Variants in TIAM1 observed in about 807,000 individuals in gnomAD.
TIAM1 encodes the protein rho guanine nucleotide exchange factor TIAM1.
A neutral mutation model predicts 163.5 loss-of-function variants in TIAM1; 65 were observed. That is an observed-to-expected ratio of 0.40 (90% confidence interval 0.33 to 0.49). The LOEUF is 0.49. Among genes scored for constraint, TIAM1 ranks in the 20% least tolerant of loss-of-function variants. The probability of loss-of-function intolerance (pLI) is 0.77; values close to 1 mark genes in which losing one functional copy is unlikely to be tolerated. For synonymous variants in TIAM1, 833 were observed against 810.1 expected, an observed-to-expected ratio of 1.03 and a Z score of -0.48; for missense variants, 1,789 against 2,044.7, an observed-to-expected ratio of 0.87 and a Z score of 2.41.
intron 3 of TIAM1, among the ~76,000 whole-genome samples, chr21:31,270,082 A>G (rs534022126): frequency 5.9e-5 from 9 of 152,290 alleles, no homozygotes; most frequent in African/African-American, 1.9e-4. Context: ...TTTTATCTTC[A>G]ACAAACAAAA....
rs183731788 is a variant in TIAM1, at chr21:31,244,239, C to G, written c.1584+1249G>C. On this transcript the variant is annotated intron_variant, in intron 6 of 27. Coordinates refer to ENST00000541036, the MANE Select transcript of TIAM1 (RefSeq NM_001353694.2). ...TAGAAACAGCTTCTGAAGCCAAAGC[C>G]AGAAACTTGGTGAAATAAATGATTT... 7.1e-3 allele frequency among the ~76,000 whole-genome samples: 1,077 copies of G among 152,276 alleles called. 12 individuals are homozygous for G. Among genetic ancestry groups the G allele is most frequent in the African/African-American group, 0.024 (1,017 of 41,554 alleles).
At chr21:31,459,114 T>TACTGATTG (rs1555988556) in intron 2 of TIAM1, among the ~76,000 whole-genome samples, 3 of 151,168 alleles carry the variant, frequency 2.0e-5, no homozygotes, top group Non-Finnish European at 4.4e-5. Context: ...ACTTGATTGC[T>TACTGATTG]ATTGATTGAT....
intron 2 of TIAM1, among the ~76,000 whole-genome samples, chr21:31,364,646 T>C (rs531455309): frequency 8.5e-5 from 13 of 152,126 alleles, no homozygotes; most frequent in Non-Finnish European, 1.8e-4. Context: ...GCTGACACCA[T>C]GATGGCCAGG....
intron 3 of TIAM1, among the ~76,000 whole-genome samples, chr21:31,274,291 G>A (rs950067631): frequency 7.2e-5 from 11 of 151,980 alleles, no homozygotes; most frequent in Admixed American, 7.2e-4. Flanking sequence ...CCAAGATACA[G>A]CACGTACCTT....
At chr21:31,478,221 ACT>A (rs1373692292) in intron 1 of TIAM1, among the ~76,000 whole-genome samples, 1 of 152,190 alleles carries the variant, frequency 6.6e-6, no homozygotes, top group Non-Finnish European at 1.5e-5. Flanking sequence ...ACACATGTAA[ACT>A]TTTTATTGGG....
intron 2 of TIAM1, among the ~76,000 whole-genome samples, chr21:31,398,158 C>G (rs1381200074): frequency 5.7e-5 from 3 of 52,518 alleles, no homozygotes; most frequent in Admixed American, 2.5e-4. Flanking sequence ...ATCTTCAGGG[C>G]AAAAAAAAAA....
chr21:31,553,866 A>T (rs1601086022), intron 1 of TIAM1, among the ~76,000 whole-genome samples: 1 of 151,986 alleles, frequency 6.6e-6, no homozygotes, highest in South Asian at 2.1e-4. Flanking sequence ...TGGTCCTGAC[A>T]TCTCCCCTTC....
At chr21:31,202,278 G>A (rs112405653) in intron 12 of TIAM1, among the ~76,000 whole-genome samples, 23 of 152,100 alleles carry the variant, frequency 1.5e-4, no homozygotes, top group Middle Eastern at 3.4e-3. Flanking sequence ...CTGGCCGTGC[G>A]CAGTGGCTCA....
chr21:31,151,788 A>C (rs1446946457), intron 19 of TIAM1, among the ~76,000 whole-genome samples: 1 of 152,156 alleles, frequency 6.6e-6, no homozygotes, highest in Non-Finnish European at 1.5e-5. Flanking sequence ...CACATGAAGC[A>C]ATGTGCTTTG....
intron 2 of TIAM1, among the ~76,000 whole-genome samples, chr21:31,337,841 A>G (rs1042264236): frequency 4.6e-5 from 7 of 151,908 alleles, no homozygotes; most frequent in African/African-American, 1.5e-4. Flanking sequence ...ATTATTATTT[A>G]TATGATTATT....
chr21:31,185,624 TTA>T (rs1432886919), intron 14 of TIAM1, among the ~76,000 whole-genome samples: 1 of 144,902 alleles, frequency 6.9e-6, no homozygotes, highest in Non-Finnish European at 1.5e-5. Flanking sequence ...TATTAATATA[TTA>T]TATATCATTA....
intron 1 of TIAM1, among the ~76,000 whole-genome samples, chr21:31,502,176 A>AT (rs970262339): frequency 2.0e-5 from 3 of 152,204 alleles, no homozygotes; most frequent in Non-Finnish European, 2.9e-5. Context: ...GCCAAGTAAC[A>AT]TATCTTAAAG....
chr21:31,259,819 AG>A (rs2072352009), intron 4 of TIAM1, among the ~76,000 whole-genome samples: 1 of 140,534 alleles, frequency 7.1e-6, no homozygotes, highest in African/African-American at 3.3e-5. Flanking sequence ...GTATATTGCA[AG>A]AGAGTGAATG....
rs1050418031 is a variant in TIAM1 at position 31,120,709 on chromosome 21, C to T, written c.4435G>A (p.Asp1479Asn). Reference protein sequence around the residue: ...KESQQPPGGGDTDRWVEEQFD... With the variant: ...KESQQPPGGGNTDRWVEEQFD... ...TGCTCCTCTACCCATCGGTCAGTGT[C>T]CCCACCACCGGGGGGCTGCTGGGAC... Residue 1479 changes from aspartate (D) to asparagine (N), a missense_variant, in exon 28 of 28, where the codon GAC (aspartate) becomes AAC (asparagine). Around this residue, in one of 5 missense-constraint regions of TIAM1, gnomAD observed 415 missense variants for 439.2 expected, o/e 0.94. Transcript: ENST00000541036. This position sits in a 1 kb window ranked among gnomAD's most constrained non-coding sequence, Gnocchi z 4.2. 2 of 1,614,026 alleles carry T rather than the reference C, an allele frequency of 1.2e-6. No homozygotes were observed. The highest frequency in any genetic ancestry group is 1.1e-5 in the South Asian group (1 of 91,070).
At chr21:31,509,913 T>C (rs903143674) in intron 1 of TIAM1, among the ~76,000 whole-genome samples, 2 of 152,054 alleles carry the variant, frequency 1.3e-5, no homozygotes, top group Middle Eastern at 3.2e-3. Flanking sequence ...TGTTTATCTA[T>C]CTCAGGCAGA....
chr21:31,389,571 C>T (rs996303235), intron 2 of TIAM1, among the ~76,000 whole-genome samples: 4 of 152,196 alleles, frequency 2.6e-5, no homozygotes, highest in African/African-American at 9.7e-5. Context: ...AGGCAGTGGC[C>T]GGCTAGGTTG....
intron 2 of TIAM1, chr21:31,452,920 G>A: frequency 1.9e-6 from 1 of 514,432 alleles, no homozygotes; most frequent in Non-Finnish European, 3.9e-6. Context: ...CTAGATATTG[G>A]GAGAAACAAA....
chr21:31,294,222 T>C (rs749121258), intron 2 of TIAM1, among the ~76,000 whole-genome samples: 1 of 152,214 alleles, frequency 6.6e-6, no homozygotes, highest in Non-Finnish European at 1.5e-5. Flanking sequence ...TCATGACTAA[T>C]GCATCATACT....
chr21:31,508,867 C>T (rs1468448586), intron 1 of TIAM1, among the ~76,000 whole-genome samples: 1 of 152,156 alleles, frequency 6.6e-6, no homozygotes, highest in Admixed American at 6.5e-5. Context: ...TGATCACCCC[C>T]ATGGGAGACC....
Sources: gnomAD v4.1 joint callset for allele counts (sites outside exome capture counted in the v4.1 genomes callset) on GRCh38, gnomAD v4.1.1 for gene constraint, gnomAD v4.1.1 regional missense constraint, Gnocchi (gnomAD v3.1) non-coding constraint, MANE v1.5 for transcripts, NCBI Gene and HGNC (gene_info 2026-07-23, HGNC 2026-07-21) for gene names.